PRR11: variants seen among roughly 807,000 people sequenced by gnomAD.
PRR11 encodes proline rich 11.
PRR11 carries 30 observed loss-of-function variants against 45.6 expected under a neutral mutation model. That is an observed-to-expected ratio of 0.66 (90% CI 0.49 to 0.89). PRR11 has a LOEUF of 0.89. Ranked by LOEUF, PRR11 falls within the 40% of genes least tolerant of loss-of-function variation. PRR11 has a pLI of 0.00. For missense variants in PRR11, 373 were observed against 424.8 expected (o/e 0.88, Z 1.07); for synonymous variants, 128 against 153.5 (o/e 0.83, Z 1.23).
chr17:59,174,182 T>G (rs140182517), intron 2 of PRR11, among the ~76,000 whole-genome samples: 1 of 151,964 alleles, frequency 6.6e-6, no homozygotes, highest in East Asian at 1.9e-4. Flanking sequence ...TGGGTGGGTC[T>G]GCCCAGGGAG....
At position 59,169,730 on chromosome 17, in the gene PRR11, A is replaced by T. The variant is rs1451430069; in HGVS notation, c.-5-18A>T. On this transcript the variant is annotated intron_variant, in intron 1 of 9. Coordinates refer to ENST00000262293, the MANE Select transcript of PRR11 (RefSeq NM_018304.4). ...TATATTATTCTTCAATTAAAAATGT[A>T]AAAAAATTTCTCTGCAGAAATCATG... 2.6e-6 allele frequency: 4 copies of T among 1,560,574 alleles called. No homozygotes were observed. The African/African-American group carries it at 4.2e-5, about 16-fold the overall frequency.
At position 59,169,830 on chromosome 17, in the gene PRR11, C is replaced by G; in HGVS notation, c.78C>G (p.His26Gln). 1.2e-6 allele frequency: 2 copies of G among 1,612,286 alleles called. No homozygotes were observed. Among genetic ancestry groups the G allele is most frequent in the Non-Finnish European group, 1.7e-6 (2 of 1,179,432 alleles). ...TATTCAAAAAAAAAGAAGCCTCTCACTTTCAGTCCAAGCTAATTACACCTC... is the reference window on the plus strand; with the variant it reads ...TATTCAAAAAAAAAGAAGCCTCTCAGTTTCAGTCCAAGCTAATTACACCTC... ...ERLFKKKEAS[H>Q]FQSKLITPPP... is the part of the protein sequence containing the mutation. Residue 26 changes from histidine to glutamine, a missense_variant, in exon 2 of 10, where the codon CAC (histidine) becomes CAG (glutamine). Coordinates refer to ENST00000262293, the MANE Select transcript of PRR11 (RefSeq NM_018304.4).
At chr17:59,172,698 C>T (rs2046716554) in intron 2 of PRR11, among the ~76,000 whole-genome samples, 1 of 152,248 alleles carries the variant, frequency 6.6e-6, no homozygotes, top group Non-Finnish European at 1.5e-5. Flanking sequence ...CGGGGTCACC[C>T]AGCAGTGCTG....
chr17:59,191,507 C>G (rs540475639), intron 4 of PRR11, among the ~76,000 whole-genome samples: 5 of 152,248 alleles, frequency 3.3e-5, no homozygotes, highest in African/African-American at 1.2e-4. Context: ...ACGTGAGCCA[C>G]CGCACCCAGC....
chr17:59,194,812 C>A lies in PRR11; in HGVS notation c.701C>A (p.Thr234Asn). The A allele has an allele frequency of 6.2e-7, 1 of 1,613,640 alleles. No homozygotes were observed. The highest frequency in any genetic ancestry group is 8.5e-7 in the Non-Finnish European group (1 of 1,179,750). Residue 234 changes from threonine to asparagine, a missense_variant, in exon 6 of 10, where the codon ACT becomes AAT. Thr to Asn is a moderately conservative substitution (Grantham distance 65). Coordinates refer to ENST00000262293, the MANE Select transcript of PRR11 (RefSeq NM_018304.4). ...PMQITVKDLL[T>N]VKLKKTQSLD... ...CAGATAACAGTTAAAGATCTGCTGA[C>A]TGTAAAATTAAAGAAGACACAGAGT...
intron 9 of PRR11, 94 bp downstream of exon 9, chr17:59,197,883 G>A (rs1419464682): frequency 9.2e-7 from 1 of 1,083,184 alleles, no homozygotes; most frequent in Non-Finnish European, 1.4e-6. Context: ...ACTTTGGGAG[G>A]CTGAGGTGGG....
intron 1 of PRR11, among the ~76,000 whole-genome samples, chr17:59,161,957 C>T (rs2046654638): frequency 5.3e-5 from 8 of 152,110 alleles, no homozygotes; most frequent in Admixed American, 5.2e-4. Context: ...GTACCTAATG[C>T]TTTTAATTAA....
rs1375421276 is a variant in PRR11, at chr17:59,193,623, ACAGC to A, written c.545_548del (p.Ser182IlefsTer18). On this transcript the variant is annotated frameshift_variant, in exon 5 of 10. Transcript: ENST00000262293. LOFTEE classifies it high-confidence loss of function. ...AAGCTGTGCTTCCTCCCACACTGCC[ACAGC>A]CAGCCAGCCATTTTCCTCCTCCTCC... 1 of 1,614,118 alleles carries A rather than the reference ACAGC, an allele frequency of 6.2e-7. No individual in the cohort carries two copies. Among genetic ancestry groups the A allele is most frequent in the Non-Finnish European group, 8.5e-7 (1 of 1,180,018 alleles).
At chr17:59,196,219 A>G (rs2046865318) in intron 7 of PRR11, among the ~76,000 whole-genome samples, 1 of 152,132 alleles carries the variant, frequency 6.6e-6, no homozygotes, top group East Asian at 1.9e-4. Context: ...TCAAAAAGAT[A>G]GGAAGAGTTC....
At chr17:59,184,215 A>G (rs1232420487) in intron 2 of PRR11, among the ~76,000 whole-genome samples, 1 of 152,172 alleles carries the variant, frequency 6.6e-6, no homozygotes, top group Non-Finnish European at 1.5e-5. Flanking sequence ...TAATCCCAGC[A>G]CTTTGGGAGG....
rs2687069 is a variant in PRR11 at position 59,206,290 on chromosome 17, C to T, written c.*4659C>T. 0.1 allele frequency among the ~76,000 whole-genome samples: 15,382 copies of T among 151,840 alleles called. 1,038 individuals carry two copies. The highest frequency in any genetic ancestry group is 0.26 in the South Asian group (1,249 of 4,802). ...CTGAGGTGGAAGAATCACTTGAGCC[C>T]GGGAGGTTGAGGCTGCAGTGAGCTG... is the stretch of plus-strand genomic sequence containing the variant. On this transcript the variant is annotated 3_prime_UTR_variant, in exon 10 of 10. Coordinates refer to ENST00000262293, the MANE Select transcript of PRR11 (RefSeq NM_018304.4).
intron 2 of PRR11, among the ~76,000 whole-genome samples, chr17:59,175,483 C>A (rs114488721): frequency 0.017 from 2,574 of 152,250 alleles, 81 homozygotes; most frequent in African/African-American, 0.059. Flanking sequence ...AAAGACACGC[C>A]AGACGTGGTG....
intron 9 of PRR11, among the ~76,000 whole-genome samples, chr17:59,199,358 C>A (rs1175494691): frequency 6.6e-6 from 1 of 152,122 alleles, no homozygotes; most frequent in Non-Finnish European, 1.5e-5. Flanking sequence ...TAAGAAGTGA[C>A]CAGTGTGGCT....
intron 4 of PRR11, among the ~76,000 whole-genome samples, chr17:59,188,933 G>C (rs2046827127): frequency 7.4e-6 from 1 of 135,822 alleles, no homozygotes; most frequent in Non-Finnish European, 1.6e-5. Context: ...GAGCATGACT[G>C]TGTCTCAAAA....
chr17:59,181,280 G>A (rs550436202), intron 2 of PRR11, among the ~76,000 whole-genome samples: 4 of 151,744 alleles, frequency 2.6e-5, no homozygotes, highest in East Asian at 1.9e-4. Flanking sequence ...GAGCCACAGC[G>A]CCCAGCCCAA....
chr17:59,201,006 T>C (rs959196026), intron 9 of PRR11, among the ~76,000 whole-genome samples: 1 of 152,060 alleles, frequency 6.6e-6, no homozygotes, highest in African/African-American at 2.4e-5. Context: ...TTACACAAAT[T>C]AGTTCTTTAG....
Position 59,199,786 on chromosome 17 carries a change from A to G in PRR11, c.1015-1777A>G, listed in dbSNP as rs115134588. ...GAATCAGTGCTTTTTGTGGGACAAT[A>G]TAATTTCTCTCTTACCAATCAACTT... On this transcript the variant is annotated intron_variant, in intron 9 of 9. Coordinates refer to ENST00000262293, the MANE Select transcript of PRR11 (RefSeq NM_018304.4). Among the ~76,000 whole-genome samples, 1,220 of 152,294 alleles carry G rather than the reference A, an allele frequency of 8.0e-3. 20 individuals are homozygous for G. The highest frequency in any genetic ancestry group is 0.027 in the African/African-American group (1,135 of 41,536).
At chr17:59,168,214 G>T (rs2046689132) in intron 1 of PRR11, among the ~76,000 whole-genome samples, 1 of 151,434 alleles carries the variant, frequency 6.6e-6, no homozygotes, top group Admixed American at 6.6e-5. Context: ...TGTCACCCAG[G>T]CTGGAGTGCA....
intron 6 of PRR11, 119 bp downstream of exon 6, chr17:59,194,974 G>T (rs112465412): frequency 1.3e-6 from 1 of 746,166 alleles, no homozygotes; most frequent in Admixed American, 2.8e-5. Flanking sequence ...AGGAGTTCAG[G>T]ACCAGCATGG....
Sources: gnomAD v4.1 joint callset for allele counts (sites outside exome capture counted in the v4.1 genomes callset) on GRCh38, gnomAD v4.1.1 for gene constraint, MANE v1.5 for transcripts, NCBI Gene and HGNC (gene_info 2026-07-23, HGNC 2026-07-21) for gene names.